The following POPDC1 variants were observed in gnomAD, a reference collection of about 807,000 sequenced individuals.
The protein encoded by POPDC1 is popeye domain cAMP effector 1.
chr6:105,125,632 A>G, the POPDC1 span: 1 of 1,534,154 alleles, frequency 6.5e-7, no homozygotes, highest in Non-Finnish European at 9.0e-7. Flanking sequence ...ATCCCAAAAC[A>G]CTGACTTCTG....
the POPDC1 span, among the ~76,000 whole-genome samples, chr6:105,122,627 C>A: frequency 6.6e-6 from 1 of 152,162 alleles, no homozygotes; most frequent in Non-Finnish European, 1.5e-5. Flanking sequence ...ACAAAACCAC[C>A]TGCTACTATA....
At chr6:105,125,652 T>A in the POPDC1 span, 1 of 1,438,996 alleles carries the variant, frequency 6.9e-7, no homozygotes, top group African/African-American at 1.4e-5. Context: ...GTGGTCTAAA[T>A]ATGGTTTTGA....
At chr6:105,127,077 T>G in the POPDC1 span, among the ~76,000 whole-genome samples, 1 of 152,324 alleles carries the variant, frequency 6.6e-6, no homozygotes, top group Non-Finnish European at 1.5e-5. Context: ...CATACTGCAC[T>G]GTATCTCTGG....
At chr6:105,124,628 A>G in the POPDC1 span, 1 of 1,611,216 alleles carries the variant, frequency 6.2e-7, no homozygotes, top group South Asian at 1.1e-5. Flanking sequence ...TGTTATGCAG[A>G]AAATGTCCTC....
chr6:105,115,944 G>A, the POPDC1 span: 22 of 930,956 alleles, frequency 2.4e-5, no homozygotes, highest in Non-Finnish European at 3.3e-5. Flanking sequence ...AAGAATACCT[G>A]ATACATATTA....
the POPDC1 span, chr6:105,101,199 G>A: frequency 5.6e-6 from 9 of 1,611,702 alleles, no homozygotes; most frequent in Non-Finnish European, 7.6e-6. Context: ...GCTCGCTGGT[G>A]TGGGGATGAC....
At chr6:105,126,638 C>A in the POPDC1 span, among the ~76,000 whole-genome samples, 109 of 152,150 alleles carry the variant, frequency 7.2e-4, no homozygotes, top group African/African-American at 2.0e-3. Flanking sequence ...TTCACACACA[C>A]AAAAAATTTA....
chr6:105,130,954 C>T, the POPDC1 span, among the ~76,000 whole-genome samples: 1 of 152,254 alleles, frequency 6.6e-6, no homozygotes, highest in African/African-American at 2.4e-5. Flanking sequence ...AATGTTTTAG[C>T]CATCTGAATT....
the POPDC1 span, chr6:105,129,501 A>G: frequency 1.2e-6 from 2 of 1,604,752 alleles, no homozygotes; most frequent in Admixed American, 1.7e-5. Context: ...TAAAGGGTAC[A>G]TCCTGTTGAA....
chr6:105,110,873 AG>A, the POPDC1 span, among the ~76,000 whole-genome samples: 3 of 152,058 alleles, frequency 2.0e-5, no homozygotes, highest in Admixed American at 6.5e-5. Context: ...TTTTGTAGAG[AG>A]GGGGTCTCGC....
chr6:105,104,422 CAT>C, the POPDC1 span, among the ~76,000 whole-genome samples: 1 of 152,150 alleles, frequency 6.6e-6, no homozygotes, highest in East Asian at 1.9e-4. Context: ...TTACTCCACA[CAT>C]AGTCAGGACC....
the POPDC1 span, among the ~76,000 whole-genome samples, chr6:105,109,479 T>C: frequency 2.6e-5 from 4 of 152,154 alleles, no homozygotes. Flanking sequence ...GTCACTTGCC[T>C]ATAATCCCAG....
the POPDC1 span, chr6:105,116,807 T>C: frequency 1.2e-6 from 2 of 1,612,166 alleles, no homozygotes; most frequent in Non-Finnish European, 1.7e-6. Flanking sequence ...TTCCAGAAAG[T>C]ATGTTAATCT....
At chr6:105,105,944 T>C in the POPDC1 span, among the ~76,000 whole-genome samples, 122 of 152,332 alleles carry the variant, frequency 8.0e-4, no homozygotes, top group African/African-American at 2.7e-3. Context: ...TTGCCAATTG[T>C]AGAGGGGCAA....
At chr6:105,114,602 G>A in the POPDC1 span, among the ~76,000 whole-genome samples, 2 of 152,198 alleles carry the variant, frequency 1.3e-5, no homozygotes, top group Non-Finnish European at 2.9e-5. Context: ...ATGGAAGAAT[G>A]TCTGCCTTTT....
At chr6:105,121,848 C>T in the POPDC1 span, among the ~76,000 whole-genome samples, 1 of 152,136 alleles carries the variant, frequency 6.6e-6, no homozygotes, top group African/African-American at 2.4e-5. Context: ...GCACCCTGAC[C>T]ACAGAACGAA....
the POPDC1 span, chr6:105,124,554 T>G: frequency 6.3e-7 from 1 of 1,596,902 alleles, no homozygotes; most frequent in Non-Finnish European, 8.6e-7. Flanking sequence ...TACCTGGAAT[T>G]TTTCACCTTT....
At chr6:105,100,526 A>G in the POPDC1 span, 1 of 145,304 alleles carries the variant, frequency 6.9e-6, no homozygotes, top group Non-Finnish European at 1.5e-5. Context: ...AAAAAAAATT[A>G]TATGTATGTG....
At chr6:105,109,638 T>TGAGGCGGGAGGACATCTTGAGCCTGG in the POPDC1 span, among the ~76,000 whole-genome samples, 53 of 151,532 alleles carry the variant, frequency 3.5e-4, no homozygotes, top group Admixed American at 2.2e-3. Flanking sequence ...CTCAGAAGGC[T>TGAGGCGGGAGGACATCTTGAGCCTGG]GAGGCGGGAG....
Sources: gnomAD v4.1 joint callset for allele counts (sites outside exome capture counted in the v4.1 genomes callset) on GRCh38, gnomAD v4.1.1 for gene constraint, MANE v1.5 for transcripts, NCBI Gene and HGNC (gene_info 2026-07-23, HGNC 2026-07-21) for gene names.